The following DYNC1I1 variants were observed in gnomAD, a reference collection of about 807,000 sequenced individuals.
The protein encoded by DYNC1I1 is cytoplasmic dynein 1 intermediate chain 1.
A neutral mutation model predicts 86.6 loss-of-function variants in DYNC1I1; 43 were observed. The observed-to-expected ratio is 0.50, with a 90% CI of 0.39 to 0.64. DYNC1I1 has a LOEUF of 0.64. Ranked by LOEUF, DYNC1I1 falls within the 30% of genes least tolerant of loss-of-function variation. The pLI, the probability that DYNC1I1 is intolerant of heterozygous loss-of-function variation, is 0.00. For synonymous variants in DYNC1I1, 262 were observed against 283.7 expected (o/e 0.92, Z 0.77); for missense variants, 604 against 788.8 (o/e 0.77, Z 2.81).
chr7:95,855,385 T>A (rs1247611049), intron 5 of DYNC1I1, among the ~76,000 whole-genome samples: 1 of 152,214 alleles, frequency 6.6e-6, no homozygotes, highest in African/African-American at 2.4e-5. Flanking sequence ...TGTCTTTGGT[T>A]TTTGACAGTT....
At chr7:96,039,606 T>C (rs188462408) in intron 14 of DYNC1I1, among the ~76,000 whole-genome samples, 185 bp downstream of exon 14, 1 of 152,278 alleles carries the variant, frequency 6.6e-6, no homozygotes, top group Non-Finnish European at 1.5e-5. Flanking sequence ...TTTACACATA[T>C]AGGTAATACT....
In DYNC1I1 at chr7:96,022,869, C is replaced by CAATAAT. The variant is rs578184278; in HGVS notation, c.970-5289_970-5284dup. Among the ~76,000 whole-genome samples, 805 of 150,546 alleles carry CAATAAT rather than the reference C, an allele frequency of 5.3e-3. 8 individuals carry two copies. The highest frequency in any genetic ancestry group is 0.018 in the African/African-American group (750 of 40,994). ...TGGGTGACAGAGCAAGACCTTGTCT[C>CAATAAT]AATAATAATAATAATAATAATATAA... On this transcript the variant is annotated intron_variant, in intron 10 of 16. Coordinates refer to ENST00000447467, the MANE Select transcript of DYNC1I1 (RefSeq NM_001135556.2).
At chr7:95,992,556 A>C (rs1031974882) in intron 9 of DYNC1I1, among the ~76,000 whole-genome samples, 4 of 152,186 alleles carry the variant, frequency 2.6e-5, no homozygotes, top group African/African-American at 9.6e-5. Flanking sequence ...CAAATGAATT[A>C]ACATATCAGT....
intron 5 of DYNC1I1, among the ~76,000 whole-genome samples, chr7:95,868,329 CA>C (rs1790069650): frequency 6.6e-6 from 1 of 152,156 alleles, no homozygotes; most frequent in Non-Finnish European, 1.5e-5. Context: ...AACTCATAGA[CA>C]AGAAGAATTT....
chr7:95,931,643 A>G (rs1302554468), intron 6 of DYNC1I1, among the ~76,000 whole-genome samples: 1 of 152,158 alleles, frequency 6.6e-6, no homozygotes, highest in Non-Finnish European at 1.5e-5. Flanking sequence ...TTTGTAAATA[A>G]AGTTTTGTTG....
At chr7:95,895,422 T>G (rs1167124365) in intron 6 of DYNC1I1, among the ~76,000 whole-genome samples, 1 of 152,190 alleles carries the variant, frequency 6.6e-6, no homozygotes, top group Non-Finnish European at 1.5e-5. Context: ...CTCATGTGGT[T>G]GTACGAGGAT....
At position 95,984,950 on chromosome 7, in the gene DYNC1I1, G is replaced by A; in HGVS notation, c.716G>A (p.Ser239Asn). ...GATTCCGACATCTTTTTTGACTACA[G>A]CGGCCGAGAGTTAGAGGAAAAAGAT... is the stretch of plus-strand genomic sequence containing the variant. ...AEDSDIFFDY[S>N]GRELEEKDGD... The change falls in exon 8 of 17, where the codon AGC (serine) becomes AAC (asparagine). Residue 239 changes from serine (S) to asparagine (N), a missense_variant. Transcript: ENST00000447467. 1 of 1,613,328 alleles carries A rather than the reference G, an allele frequency of 6.2e-7. No homozygotes were observed. Among genetic ancestry groups the A allele is most frequent in the East Asian group, 2.2e-5 (1 of 44,850 alleles).
At chr7:95,871,899 T>A (rs896186757) in intron 6 of DYNC1I1, among the ~76,000 whole-genome samples, 4 of 152,206 alleles carry the variant, frequency 2.6e-5, no homozygotes, top group African/African-American at 9.7e-5. Context: ...ATTTACATGG[T>A]TCAGATTACA....
In DYNC1I1 at chr7:95,829,231, G is replaced by A. The variant is rs138535033; in HGVS notation, c.374+1115G>A. ...TGTAGGTATAAAAGGAGGTTGAAGG[G>A]CTATTTGCATGTTAGGTTAAATGCC... On this transcript the variant is annotated intron_variant, in intron 5 of 16. Transcript: ENST00000447467. 5.2e-3 allele frequency among the ~76,000 whole-genome samples: 793 copies of A among 152,086 alleles called. 10 individuals are homozygous for A. The highest frequency in any genetic ancestry group is 0.017 in the African/African-American group (720 of 41,472).
Position 95,845,633 on chromosome 7 carries a change from CT to C in DYNC1I1, c.374+17520del, listed in dbSNP as rs1047198183. 1.2e-4 allele frequency among the ~76,000 whole-genome samples: 18 copies of C among 152,186 alleles called. 1 individual carries two copies. Among genetic ancestry groups the C allele is most frequent in the Non-Finnish European group, 1.5e-5 (1 of 68,028 alleles). On this transcript the variant is annotated intron_variant, in intron 5 of 16. Transcript: ENST00000447467. The stretch of plus-strand genomic sequence containing the variant: ...GCCTCTTCAGTAACACTCAATCACA[CT>C]TTCCACAGAAATTGAAATATGAAAC...
chr7:95,909,836 T>C (rs1009816966), intron 6 of DYNC1I1, among the ~76,000 whole-genome samples: 2 of 152,176 alleles, frequency 1.3e-5, no homozygotes, highest in African/African-American at 2.4e-5. Context: ...GCTCTTGAGA[T>C]CAGTCCAAAC....
intron 1 of DYNC1I1, among the ~76,000 whole-genome samples, chr7:95,799,145 A>G (rs1194089373): frequency 6.6e-6 from 1 of 152,116 alleles, no homozygotes; most frequent in African/African-American, 2.4e-5. Flanking sequence ...GCGAAGGCCC[A>G]GGTAGGAGGA....
chr7:95,972,387 G>A (rs1225540560), intron 6 of DYNC1I1, among the ~76,000 whole-genome samples: 1 of 152,034 alleles, frequency 6.6e-6, no homozygotes, highest in East Asian at 1.9e-4. Context: ...TCTCAGCTCT[G>A]ACTCCAAGGA....
chr7:95,946,887 GAGAC>G (rs1327866571), intron 6 of DYNC1I1, among the ~76,000 whole-genome samples: 5 of 152,164 alleles, frequency 3.3e-5, no homozygotes, highest in Non-Finnish European at 5.9e-5. Flanking sequence ...TGGAGTAAAA[GAGAC>G]AGACAGCTGG....
chr7:95,775,751 T>C (rs1482693116), intron 1 of DYNC1I1, among the ~76,000 whole-genome samples: 1 of 152,190 alleles, frequency 6.6e-6, no homozygotes, highest in Non-Finnish European at 1.5e-5. Flanking sequence ...GTTGCTACCT[T>C]AATCAGGGAT....
chr7:96,109,835 T>C (rs1791285584), intron 16 of DYNC1I1: 1 of 168,118 alleles, frequency 5.9e-6, no homozygotes, highest in African/African-American at 2.4e-5. Context: ...ATTTTACTTG[T>C]ACTTAAGAAG....
Position 96,035,600 on chromosome 7 carries a change from C to T in DYNC1I1, c.1231-19C>T. ...AAGGAGTTGACAGATGGAAATGTAACCACACCGTGTTTTGGTAGGAGAGCA... is the reference window on the plus strand; with the variant it reads ...AAGGAGTTGACAGATGGAAATGTAATCACACCGTGTTTTGGTAGGAGAGCA... On this transcript the variant is annotated intron_variant, in intron 12 of 16. Coordinates refer to ENST00000447467, the MANE Select transcript of DYNC1I1 (RefSeq NM_001135556.2). 6.4e-7 allele frequency: 1 copy of T among 1,561,574 alleles called. No individual in the cohort carries two copies. Among genetic ancestry groups the T allele is most frequent in the South Asian group, 1.2e-5 (1 of 82,446 alleles).
chr7:96,095,243 C>T (rs1469175883), intron 16 of DYNC1I1, among the ~76,000 whole-genome samples: 2 of 152,104 alleles, frequency 1.3e-5, no homozygotes, highest in African/African-American at 4.8e-5. Flanking sequence ...CTGTTCTAAA[C>T]TGTGTGTAGA....
intron 14 of DYNC1I1, among the ~76,000 whole-genome samples, chr7:96,048,555 T>A (rs1789290682): frequency 6.6e-6 from 1 of 152,148 alleles, no homozygotes; most frequent in Non-Finnish European, 1.5e-5. Flanking sequence ...TTAGAAGCCT[T>A]CCAAGTAATC....
Sources: gnomAD v4.1 joint callset for allele counts (sites outside exome capture counted in the v4.1 genomes callset) on GRCh38, gnomAD v4.1.1 for gene constraint, MANE v1.5 for transcripts, NCBI Gene and HGNC (gene_info 2026-07-23, HGNC 2026-07-21) for gene names.